MMP2: variants seen among roughly 807,000 people sequenced by gnomAD.
MMP2 encodes 72 kDa type IV collagenase.
A neutral mutation model predicts 74.8 loss-of-function variants in MMP2; 39 were observed. The observed-to-expected ratio is 0.52, with a 90% CI of 0.40 to 0.68. The LOEUF is 0.68. MMP2 is among the 30% of genes least tolerant of loss of function. MMP2 has a pLI of 0.00. For missense variants in MMP2, 803 were observed against 878.3 expected, an observed-to-expected ratio of 0.91 and a Z score of 1.08; for synonymous variants, 367 against 339.8, an observed-to-expected ratio of 1.08 and a Z score of -0.88.
At chr16:55,494,603 G>A (rs537916544) in intron 9 of MMP2, among the ~76,000 whole-genome samples, 1 of 152,300 alleles carries the variant, frequency 6.6e-6, no homozygotes, top group Non-Finnish European at 1.5e-5. Flanking sequence ...TAAAAGGTGG[G>A]TTTTCTGCCC....
In MMP2 at chr16:55,505,495, G is replaced by T; in HGVS notation, c.*53G>T. 2.0e-6 allele frequency: 3 copies of T among 1,522,796 alleles called. No homozygotes were observed. Among genetic ancestry groups the T allele is most frequent in the Non-Finnish European group, 2.7e-6 (3 of 1,097,594 alleles). 94.3% of individuals were successfully genotyped at this position (1,522,796 alleles called of 1,614,324 possible). A position where few individuals can be genotyped will look rare whatever the true frequency, so the allele number is the denominator to read the frequency against. On this transcript the variant is annotated 3_prime_UTR_variant, in exon 13 of 13. Transcript: ENST00000219070. ...CTCTCCACTGCCTTCGATACACCGG[G>T]CCTGGAGAACTAGAGAAGGACCCGG...
chr16:55,479,573 T>C lies in MMP2; in HGVS notation c.94T>C (p.Ser32Pro), dbSNP rs1962043375. ...GCTGAGCCACGCCGCCGCCGCGCCG[T>C]CGCCCATCATCAAGTTCCCCGGCGA... ...CLLSHAAAAP[S>P]PIIKFPGDVA... The change falls in exon 1 of 13, where the codon TCG becomes CCG. Residue 32 changes from serine (S) to proline (P), a missense_variant. By Grantham distance (74) the Ser-to-Pro change is moderately conservative. Coordinates refer to ENST00000219070, the MANE Select transcript of MMP2 (RefSeq NM_004530.6). 6.2e-7 allele frequency: 1 copy of C among 1,613,426 alleles called. No individual in the cohort carries two copies. The highest frequency in any genetic ancestry group is 8.5e-7 in the Non-Finnish European group (1 of 1,179,960).
rs745653730 is a variant in MMP2 at position 55,481,909 on chromosome 16, CTAT to C, written c.154-996_154-994del. On this transcript the variant is annotated intron_variant, in intron 1 of 12. Coordinates refer to ENST00000219070, the MANE Select transcript of MMP2 (RefSeq NM_004530.6). Reference sequence around the variant, plus strand: ...TACTCAATAAGCACTAGCCATTATTCTATTATATTATTATTATTGTTATGTCCT... The same window carrying C: ...TACTCAATAAGCACTAGCCATTATTCTATATTATTATTATTGTTATGTCCT... 1.1e-5 allele frequency: 8 copies of C among 719,626 alleles called. No individual in the cohort carries two copies. In the East Asian group the frequency reaches 1.3e-4, roughly 12 times the overall value. 44.6% of individuals were successfully genotyped at this position (719,626 alleles called of 1,614,324 possible). A position where few individuals can be genotyped will look rare whatever the true frequency, so the allele number is the denominator to read the frequency against.
Position 55,498,430 on chromosome 16 carries a change from C to T in MMP2, c.1751C>T (p.Ala584Val), listed in dbSNP as rs754436553. The T allele has an allele frequency of 1.5e-5, 25 of 1,614,094 alleles. No individual in the cohort carries two copies. The highest frequency in any genetic ancestry group is 4.4e-5 in the South Asian group (4 of 91,094). Residue 584 changes from alanine (A) to valine (V), a missense_variant, in exon 11 of 13, where the codon GCT becomes GTT. Ala to Val is a moderately conservative substitution (Grantham distance 64). Around this residue, in one of 3 missense-constraint regions of MMP2, gnomAD observed 555 missense variants for 592.0 expected, o/e 0.94. Coordinates refer to ENST00000219070, the MANE Select transcript of MMP2 (RefSeq NM_004530.6). ...WSKNKKTYIF[A>V]GDKFWRYNEV... ...AAAAACAAGAAGACATACATCTTTG[C>T]TGGAGACAAATTCTGGAGGTAAGGG...
At chr16:55,498,255 G>T in intron 10 of MMP2, 34 bp from the exon 11 acceptor site, 8 of 1,612,762 alleles carry the variant, frequency 5.0e-6, no homozygotes, top group Non-Finnish European at 6.8e-6. Flanking sequence ...GGGCATGTCA[G>T]CACCAGCCAA....
Position 55,498,307 on chromosome 16 carries a change from A to G in MMP2, c.1628A>G (p.Tyr543Cys), listed in dbSNP as rs138709475. 3.8e-4 allele frequency: 621 copies of G among 1,613,986 alleles called. No homozygotes were observed. The highest frequency in any genetic ancestry group is 5.1e-4 in the Non-Finnish European group (606 of 1,180,032). The change falls in exon 11 of 13, where the codon TAC (tyrosine) becomes TGC (cysteine). Residue 543 changes from tyrosine (Y) to cysteine (C), a missense_variant. Physicochemically the swap from Tyr to Cys is radical, Grantham distance 194 (BLOSUM62 -2). Around this residue, in one of 3 missense-constraint regions of MMP2, gnomAD observed 555 missense variants for 592.0 expected, o/e 0.94. Coordinates refer to ENST00000219070, the MANE Select transcript of MMP2 (RefSeq NM_004530.6). ...VFFAGNEYWI[Y>C]SASTLERGYP... ...ACCCCAGGGAATGAATACTGGATCT[A>G]CTCAGCCAGCACCCTGGAGCGAGGG... is the stretch of plus-strand genomic sequence containing the variant.
chr16:55,485,084 G>A (rs1194781773), intron 3 of MMP2, among the ~76,000 whole-genome samples: 1 of 152,108 alleles, frequency 6.6e-6, no homozygotes, highest in Non-Finnish European at 1.5e-5. Context: ...TGGGAGTCAT[G>A]TAAACCTGGG....
chr16:55,497,144 C>A lies in MMP2; in HGVS notation c.1609+82C>A, dbSNP rs1962551555. The A allele has an allele frequency of 2.5e-6, 4 of 1,583,876 alleles. No individual in the cohort carries two copies. The African/African-American group carries it at 5.4e-5, about 21-fold the overall frequency. On this transcript the variant is annotated intron_variant, in intron 10 of 12. Transcript: ENST00000219070. Reference sequence around the variant, plus strand: ...TCCTGGGTGTCCCAGGCTCACTCCCCCTCTCAAACCACAGTTCCTATGCAC... The same window carrying A: ...TCCTGGGTGTCCCAGGCTCACTCCCACTCTCAAACCACAGTTCCTATGCAC...
In MMP2 at chr16:55,485,655, T is replaced by G; in HGVS notation, c.710T>G (p.Phe237Cys). ...NADGEYCKFP[F>C]LFNGKEYNSC... ...GATGGGGAGTACTGCAAGTTCCCCT[T>G]CTTGTTCAATGGCAAGGAGTACAAC... Residue 237 changes from phenylalanine (F) to cysteine (C), a missense_variant, in exon 5 of 13, where the codon TTC becomes TGC. Physicochemically the swap from Phe to Cys is radical, Grantham distance 205. Transcript: ENST00000219070. 6.2e-7 allele frequency: 1 copy of G among 1,614,194 alleles called. No individual in the cohort carries two copies. Among genetic ancestry groups the G allele is most frequent in the Non-Finnish European group, 8.5e-7 (1 of 1,180,030 alleles).
At chr16:55,504,651 AT>A (rs71149619) in intron 12 of MMP2, among the ~76,000 whole-genome samples, 3,858 of 131,660 alleles carry the variant, frequency 0.029, 92 homozygotes, top group African/African-American at 0.088. Flanking sequence ...AAACAATTGA[AT>A]TTTTTTTTTT....
chr16:55,503,499 A>G (rs1962720844), intron 12 of MMP2, among the ~76,000 whole-genome samples: 1 of 149,508 alleles, frequency 6.7e-6, no homozygotes, highest in South Asian at 2.1e-4. Flanking sequence ...ACTAAATTCC[A>G]CAGATTTTTT....
In MMP2 at chr16:55,485,647, G is replaced by T. The variant is rs751527794; in HGVS notation, c.702G>T (p.Lys234Asn). The T allele has an allele frequency of 2.5e-6, 4 of 1,614,160 alleles. No individual in the cohort carries two copies. The highest frequency in any genetic ancestry group is 3.4e-6 in the Non-Finnish European group (4 of 1,180,018). ...GGAACGCCGATGGGGAGTACTGCAAGTTCCCCTTCTTGTTCAATGGCAAGG... is the reference window on the plus strand; with the variant it reads ...GGAACGCCGATGGGGAGTACTGCAATTTCCCCTTCTTGTTCAATGGCAAGG... ...KYGNADGEYC[K>N]FPFLFNGKEY... The change falls in exon 5 of 13, where the codon AAG (lysine) becomes AAT (asparagine). Residue 234 changes from lysine to asparagine, a missense_variant. Lys to Asn is a moderately conservative substitution (Grantham distance 94). Coordinates refer to ENST00000219070, the MANE Select transcript of MMP2 (RefSeq NM_004530.6).
chr16:55,489,040 C>T (rs1962334347), intron 6 of MMP2, among the ~76,000 whole-genome samples: 1 of 152,216 alleles, frequency 6.6e-6, no homozygotes, highest in Non-Finnish European at 1.5e-5. Flanking sequence ...CTCTCCTCCT[C>T]TCTGACCCTG....
intron 6 of MMP2, 56 bp from the exon 7 acceptor site, chr16:55,489,595 C>A: frequency 2.5e-6 from 4 of 1,603,540 alleles, no homozygotes; most frequent in Non-Finnish European, 2.6e-6. Flanking sequence ...TCATTGCTTC[C>A]TGGTGGTAGC....
rs1962149595 is a variant in MMP2, at chr16:55,483,098, C to T, written c.343C>T (p.Arg115Cys). ...PDVANYNFFP[R>C]KPKWDKNQIT... ...TGTGGCCAACTACAACTTCTTCCCTCGCAAGCCCAAGTGGGACAAGAACCA... is the reference window on the plus strand; with the variant it reads ...TGTGGCCAACTACAACTTCTTCCCTTGCAAGCCCAAGTGGGACAAGAACCA... The change falls in exon 2 of 13, where the codon CGC (arginine) becomes TGC (cysteine). Residue 115 changes from arginine to cysteine, a missense_variant. By Grantham distance (180) the Arg-to-Cys change is radical. This residue lies in a region of MMP2 where 223 missense variants were observed against 232.8 expected (regional missense o/e 0.96). Transcript: ENST00000219070. 1.9e-6 allele frequency: 3 copies of T among 1,613,986 alleles called. No homozygotes were observed. Among genetic ancestry groups the T allele is most frequent in the Admixed American group, 1.7e-5 (1 of 59,994 alleles).
At chr16:55,482,661 A>G (rs1336475667) in intron 1 of MMP2, among the ~76,000 whole-genome samples, 1 of 152,196 alleles carries the variant, frequency 6.6e-6, no homozygotes, top group Non-Finnish European at 1.5e-5. Flanking sequence ...GTGCCTGGAC[A>G]TATAGTCAGC....
intron 1 of MMP2, chr16:55,479,982 G>GGT (rs1259813110): frequency 1.0e-5 from 3 of 289,218 alleles, no homozygotes; most frequent in Non-Finnish European, 2.0e-5. Context: ...ATTTGGCGGG[G>GGT]GGGGGGGGCG....
chr16:55,479,450 G>A lies in MMP2; in HGVS notation c.-30G>A. The A allele has an allele frequency of 6.8e-7, 1 of 1,470,948 alleles. No homozygotes were observed. The highest frequency in any genetic ancestry group is 9.0e-7 in the Non-Finnish European group (1 of 1,115,178). 91.1% of individuals were successfully genotyped at this position (1,470,948 alleles called of 1,614,324 possible). ...CACACGCACCGAGCCAGCGACCCCCGGGCGACGCGCGGGGCCAGGGAGCGC... is the reference window on the plus strand; with the variant it reads ...CACACGCACCGAGCCAGCGACCCCCAGGCGACGCGCGGGGCCAGGGAGCGC... On this transcript the variant is annotated 5_prime_UTR_variant, in exon 1 of 13. Coordinates refer to ENST00000219070, the MANE Select transcript of MMP2 (RefSeq NM_004530.6).
At chr16:55,485,144 C>G (rs1037586922) in intron 3 of MMP2, among the ~76,000 whole-genome samples, 155 bp from the exon 4 acceptor site, 1 of 152,082 alleles carries the variant, frequency 6.6e-6, no homozygotes. Flanking sequence ...CAGATCTCTA[C>G]TGAGCTCCTG....
Sources: allele counts gnomAD v4.1 joint callset (sites outside exome capture counted in the v4.1 genomes callset), GRCh38; gene constraint gnomAD v4.1.1; regional missense constraint gnomAD v4.1.1; transcripts MANE v1.5; gene names NCBI Gene and HGNC (gene_info 2026-07-23, HGNC 2026-07-21).